The following VRK2 variants were observed in gnomAD, a reference collection of about 807,000 sequenced individuals.
VRK2 encodes VRK serine/threonine kinase 2.
In VRK2, 60 loss-of-function variants were observed where a neutral mutation model predicts 57.6. The ratio of observed to expected loss-of-function variants is 1.04; its 90% confidence interval spans 0.85 to 1.29. The LOEUF is 1.29. Among genes scored for constraint, VRK2 ranks in the 50% most tolerant of loss-of-function variants. The pLI is 0.00. For missense variants in VRK2, 705 were observed against 588.1 expected, an observed-to-expected ratio of 1.20 and a Z score of -2.06; for synonymous variants, 231 against 199.2, an observed-to-expected ratio of 1.16 and a Z score of -1.35.
chr2:58,023,503 A>G (rs1673827828), intron 1 of VRK2, among the ~76,000 whole-genome samples: 1 of 152,204 alleles, frequency 6.6e-6, no homozygotes, highest in Admixed American at 6.5e-5. Flanking sequence ...ATATATCTGT[A>G]CAAATCTCTG....
intron 10 of VRK2, 102 bp downstream of exon 10, chr2:58,135,301 C>A: frequency 1.6e-6 from 2 of 1,251,070 alleles, no homozygotes; most frequent in Non-Finnish European, 1.2e-6. Context: ...CTCCTATTCC[C>A]ATCAGGGTGG....
At chr2:57,941,294 T>C (rs754878747) in intron 1 of VRK2, among the ~76,000 whole-genome samples, 2 of 152,296 alleles carry the variant, frequency 1.3e-5, no homozygotes, top group South Asian at 4.1e-4. Flanking sequence ...AAGAGTGACA[T>C]ATAAGTTCTA....
intron 2 of VRK2, among the ~76,000 whole-genome samples, chr2:58,057,293 T>G (rs971290904): frequency 6.6e-6 from 1 of 152,186 alleles, no homozygotes; most frequent in Non-Finnish European, 1.5e-5. Context: ...CACTGTACTT[T>G]CAGATTTAGA....
intron 2 of VRK2, among the ~76,000 whole-genome samples, chr2:58,062,757 G>T (rs964451322): frequency 3.9e-5 from 6 of 152,074 alleles, no homozygotes; most frequent in African/African-American, 1.4e-4. Flanking sequence ...GGTTCATGAG[G>T]TTTTAAGGAA....
At chr2:57,965,589 G>A (rs975750719) in intron 1 of VRK2, among the ~76,000 whole-genome samples, 6 of 151,986 alleles carry the variant, frequency 3.9e-5, no homozygotes, top group Non-Finnish European at 8.8e-5. Flanking sequence ...AAGGGGGAGG[G>A]AGCTTTCCCT....
At chr2:58,024,087 G>A (rs1673847294) in intron 1 of VRK2, among the ~76,000 whole-genome samples, 1 of 151,276 alleles carries the variant, frequency 6.6e-6, no homozygotes, top group Non-Finnish European at 1.5e-5. Flanking sequence ...CCGGGTTCAC[G>A]TCATTCTCCT....
chr2:58,005,370 A>G (rs1673209844), intron 1 of VRK2, among the ~76,000 whole-genome samples: 1 of 152,154 alleles, frequency 6.6e-6, no homozygotes, highest in African/African-American at 2.4e-5. Flanking sequence ...GAAAGTGTGT[A>G]GATTAAAATG....
intron 1 of VRK2, among the ~76,000 whole-genome samples, chr2:57,935,422 C>T (rs1231513622): frequency 6.6e-6 from 1 of 152,124 alleles, no homozygotes; most frequent in Non-Finnish European, 1.5e-5. Context: ...GGGCAGTGCT[C>T]TGAAATCCTG....
chr2:58,018,380 G>T (rs1407379033), intron 1 of VRK2, among the ~76,000 whole-genome samples: 3 of 152,114 alleles, frequency 2.0e-5, no homozygotes, highest in Admixed American at 6.5e-5. Context: ...TTGGTTCATC[G>T]TACCTTGTTA....
At chr2:57,964,969 C>T (rs561884528) in intron 1 of VRK2, among the ~76,000 whole-genome samples, 1 of 149,196 alleles carries the variant, frequency 6.7e-6, no homozygotes, top group East Asian at 2.0e-4. Flanking sequence ...ATCACTATAT[C>T]ACCAGCACTT....
intron 2 of VRK2, among the ~76,000 whole-genome samples, chr2:58,072,790 C>A (rs1399251921): frequency 6.6e-6 from 1 of 151,232 alleles, no homozygotes; most frequent in Non-Finnish European, 1.5e-5. Context: ...GTTGAATGTT[C>A]CTTTGCTTCT....
intron 1 of VRK2, among the ~76,000 whole-genome samples, chr2:57,958,435 ATGTATATATATT>A (rs574481276): frequency 0.015 from 2,214 of 148,858 alleles, 84 homozygotes; most frequent in African/African-American, 0.054. Context: ...GTGTATATAC[ATGTATATATATT>A]TGTATATATA....
At chr2:58,012,023 T>A (rs1157184852) in intron 1 of VRK2, among the ~76,000 whole-genome samples, 1 of 152,208 alleles carries the variant, frequency 6.6e-6, no homozygotes, top group Non-Finnish European at 1.5e-5. Context: ...CACCAGACAC[T>A]GTTACTCCAA....
chr2:58,006,674 A>G (rs924607924), intron 1 of VRK2, among the ~76,000 whole-genome samples: 59 of 152,156 alleles, frequency 3.9e-4, no homozygotes, highest in African/African-American at 1.4e-3. Context: ...TCAATCTCCA[A>G]GGCAAGGTGG....
intron 10 of VRK2, 32 bp from the exon 11 acceptor site, chr2:58,139,634 G>C: frequency 6.3e-7 from 1 of 1,593,486 alleles, no homozygotes; most frequent in Non-Finnish European, 8.6e-7. Flanking sequence ...TGCCAATTGT[G>C]AATGACATGT....
intron 2 of VRK2, among the ~76,000 whole-genome samples, chr2:58,065,246 A>AT: frequency 6.6e-6 from 1 of 152,228 alleles, no homozygotes; most frequent in East Asian, 1.9e-4. Context: ...TCATCACCCT[A>AT]AAATCTTCCT....
At chr2:58,061,890 G>A (rs1677393758) in intron 2 of VRK2, among the ~76,000 whole-genome samples, 1 of 152,008 alleles carries the variant, frequency 6.6e-6, no homozygotes, top group African/African-American at 2.4e-5. Flanking sequence ...AAAGGGGTAA[G>A]GGTTCTGGTC....
intron 1 of VRK2, among the ~76,000 whole-genome samples, chr2:57,989,968 C>A (rs1672712434): frequency 6.6e-6 from 1 of 152,110 alleles, no homozygotes; most frequent in Non-Finnish European, 1.5e-5. Flanking sequence ...GGTCTGAAAT[C>A]TAACAAGCTT....
chr2:58,081,445 T>C (rs1459629023), intron 2 of VRK2, among the ~76,000 whole-genome samples: 1 of 152,020 alleles, frequency 6.6e-6, no homozygotes, highest in Non-Finnish European at 1.5e-5. Flanking sequence ...TATTTTTTTA[T>C]TTATTCTAAC....
Sources: gnomAD v4.1 joint callset for allele counts (sites outside exome capture counted in the v4.1 genomes callset) on GRCh38, gnomAD v4.1.1 for gene constraint, MANE v1.5 for transcripts, NCBI Gene and HGNC (gene_info 2026-07-23, HGNC 2026-07-21) for gene names.